The following MYH14 variants were observed in gnomAD, a reference collection of about 807,000 sequenced individuals.
MYH14 encodes the protein myosin heavy chain 14, also known as myosin-14.
In MYH14, 123 loss-of-function variants were observed where a neutral mutation model predicts 255.5. The ratio of observed to expected loss-of-function variants is 0.48; its 90% CI spans 0.42 to 0.56. MYH14 has a LOEUF of 0.56. Among genes scored for constraint, MYH14 ranks in the 20% least tolerant of loss-of-function variants. The pLI is 0.00. For missense variants in MYH14, 2,423 were observed against 2,802.3 expected (o/e 0.86, Z 3.06); for synonymous variants, 1,095 against 1,161.2 (o/e 0.94, Z 1.16).
intron 39 of MYH14, among the ~76,000 whole-genome samples, chr19:50,299,506 G>A (rs1442513452): frequency 2.8e-5 from 4 of 144,726 alleles, no homozygotes; most frequent in African/African-American, 1.0e-4. Flanking sequence ...GGGAGGCAGA[G>A]GTTGCAGTGA....
At chr19:50,277,257 G>T (rs752910246) in intron 29 of MYH14, among the ~76,000 whole-genome samples, 1 of 152,098 alleles carries the variant, frequency 6.6e-6, no homozygotes, top group African/African-American at 2.4e-5. Context: ...ATTCTAAGGC[G>T]GGTGAGTTTT....
rs1182353842 is a variant in MYH14 at position 50,247,033 on chromosome 19, C to G, written c.1240C>G (p.Leu414Val). The stretch of plus-strand genomic sequence containing the variant: ...ACAGAAGCTCTGCCGCCTCTTGGGA[C>G]TGGGGGTGACGGATTTCTCCCGAGC... ...AAQKLCRLLG[L>V]GVTDFSRALL... The change falls in exon 12 of 43, where the codon CTG becomes GTG. Residue 414 changes from leucine to valine, a missense_variant. By Grantham distance (32) the Leu-to-Val change is conservative (BLOSUM62 1). Transcript: ENST00000642316. 6.2e-7 allele frequency: 1 copy of G among 1,612,770 alleles called. No homozygotes were observed. Among genetic ancestry groups the G allele is most frequent in the African/African-American group, 1.3e-5 (1 of 74,886 alleles).
At chr19:50,296,631 G>A (rs1349710607) in intron 39 of MYH14, among the ~76,000 whole-genome samples, 1 of 152,138 alleles carries the variant, frequency 6.6e-6, no homozygotes, top group African/African-American at 2.4e-5. Flanking sequence ...GAAAAGAAGA[G>A]AAATGAAACT....
intron 1 of MYH14, among the ~76,000 whole-genome samples, chr19:50,206,588 A>C (rs1245515422): frequency 6.6e-6 from 1 of 152,100 alleles, no homozygotes; most frequent in Non-Finnish European, 1.5e-5. Context: ...TGAGAGCCTC[A>C]GGGCCAAGAG....
In MYH14 at chr19:50,271,555, C is replaced by T. The variant is rs2035301794; in HGVS notation, c.3171+9C>T. On this transcript the variant is annotated intron_variant, in intron 25 of 42. Coordinates refer to ENST00000642316, the MANE Select transcript of MYH14 (RefSeq NM_001145809.2). ...ATTCCAAGCTGAGCAAGGTTGGGGG[C>T]CTGAGGGCAGCTGGGAAAGTGGGGA... 6.2e-7 allele frequency: 1 copy of T among 1,602,136 alleles called. No individual in the cohort carries two copies. Among genetic ancestry groups the T allele is most frequent in the South Asian group, 1.1e-5 (1 of 88,608 alleles).
chr19:50,206,128 G>A (rs1051073279), intron 1 of MYH14, among the ~76,000 whole-genome samples: 3 of 152,000 alleles, frequency 2.0e-5, no homozygotes, highest in Non-Finnish European at 4.4e-5. Context: ...CATCAGGGCT[G>A]TGATCCATCT....
At chr19:50,258,827 G>A (rs2034705866) in intron 18 of MYH14, 4 of 277,360 alleles carry the variant, frequency 1.4e-5, no homozygotes, top group African/African-American at 2.2e-5. Flanking sequence ...GCCTTTTGGC[G>A]ACTCTCTTGC....
chr19:50,219,562 G>A (rs2032700516), intron 3 of MYH14, among the ~76,000 whole-genome samples: 1 of 152,110 alleles, frequency 6.6e-6, no homozygotes, highest in East Asian at 1.9e-4. Context: ...TTTCCCTTGA[G>A]ACAGTAATTC....
intron 27 of MYH14, among the ~76,000 whole-genome samples, chr19:50,275,255 C>G (rs1232687129): frequency 6.6e-6 from 1 of 152,140 alleles, no homozygotes; most frequent in Admixed American, 6.5e-5. Flanking sequence ...GGTGCTGCCC[C>G]CAGATCCAGC....
Position 50,260,846 on chromosome 19 carries a change from CGT to C in MYH14, c.2424+141_2424+142del, listed in dbSNP as rs574429177. 2.3e-4 allele frequency: 159 copies of C among 696,254 alleles called. 3 individuals carry two copies. Among genetic ancestry groups the C allele is most frequent in the East Asian group, 7.0e-4 (25 of 35,592 alleles). 43.1% of individuals were successfully genotyped at this position (696,254 alleles called of 1,614,324 possible). A position where few individuals can be genotyped will look rare whatever the true frequency, so the allele number is the denominator to read the frequency against. On this transcript the variant is annotated intron_variant, in intron 20 of 42. Transcript: ENST00000642316. The stretch of plus-strand genomic sequence containing the variant: ...AAGTGTGTGTGCATGCACGTGTGTG[CGT>C]GTGTGTGTGCATGCATATGTGTGCA...
chr19:50,255,708 C>T (rs1365989275), intron 17 of MYH14, among the ~76,000 whole-genome samples: 1 of 152,004 alleles, frequency 6.6e-6, no homozygotes, highest in African/African-American at 2.4e-5. Context: ...GGATTTGAAC[C>T]CAGGACATCA....
Position 50,232,063 on chromosome 19 carries a change from A to G in MYH14, c.1107A>G (p.Glu369=). Residue 369 remains glutamate, a synonymous_variant, in exon 10 of 43, where the codon GAA becomes GAG. Coordinates refer to ENST00000642316, the MANE Select transcript of MYH14 (RefSeq NM_001145809.2). Reference sequence around the variant, plus strand: ...GGGTCCTGGGATTCAGCCACGAGGAAATCATCTGTGAGTGAGCCCCGTGGA... The same window carrying G: ...GGGTCCTGGGATTCAGCCACGAGGAGATCATCTGTGAGTGAGCCCCGTGGA... ...SLRVLGFSHE[E]IISMLRMVSA... is the part of the protein sequence containing the mutation. 1.2e-6 allele frequency: 2 copies of G among 1,611,936 alleles called. No homozygotes were observed. The highest frequency in any genetic ancestry group is 2.2e-5 in the South Asian group (2 of 91,086).
rs1199829780 is a variant in MYH14 at position 50,225,572 on chromosome 19, C to T, written c.718-13C>T. 21 of 1,610,702 alleles carry T rather than the reference C, an allele frequency of 1.3e-5. No homozygotes were observed. The highest frequency in any genetic ancestry group is 1.8e-5 in the Non-Finnish European group (21 of 1,178,430). On this transcript the variant is annotated splice_polypyrimidine_tract_variant and intron_variant, in intron 6 of 42. Coordinates refer to ENST00000642316, the MANE Select transcript of MYH14 (RefSeq NM_001145809.2). ...TCTCACTGACCTCATGCATCATCTC[C>T]TGTGCCCGGCAGGGTGAGCTGGAGC...
In MYH14 at chr19:50,276,915, G is replaced by C. The variant is rs2035530933; in HGVS notation, c.3825+14G>C. ...CAGGCCCGGAGGGTGGGTTGGGGCAGGGGGACAGGGCAGGGGGGCCACGGG... is the reference window on the plus strand; with the variant it reads ...CAGGCCCGGAGGGTGGGTTGGGGCACGGGGACAGGGCAGGGGGGCCACGGG... On this transcript the variant is annotated intron_variant, in intron 29 of 42. Transcript: ENST00000642316. The surrounding 1 kb of genome is among the most constrained non-coding windows in gnomAD (Gnocchi z 4.3). 6.9e-6 allele frequency: 11 copies of C among 1,590,798 alleles called. No individual in the cohort carries two copies. Among genetic ancestry groups the C allele is most frequent in the Non-Finnish European group, 9.4e-6 (11 of 1,167,688 alleles).
intron 39 of MYH14, among the ~76,000 whole-genome samples, chr19:50,295,956 C>CA (rs1601051172): frequency 2.6e-5 from 4 of 151,694 alleles, no homozygotes; most frequent in Admixed American, 2.6e-4. Flanking sequence ...ACTAAAAATA[C>CA]AAAAACTAGC....
chr19:50,211,924 G>C lies in MYH14; in HGVS notation c.405+1154G>C, dbSNP rs565222402. ...AATCACCTGAGCCCTGAAGGTGGAG[G>C]CTGCAGTGAGCTGTGATGGCGCTAC... On this transcript the variant is annotated intron_variant, in intron 2 of 42. Transcript: ENST00000642316. Among the ~76,000 whole-genome samples the C allele has an allele frequency of 2.0e-5, 3 of 152,232 alleles. No individual in the cohort carries two copies. In the East Asian group the frequency reaches 5.8e-4, roughly 29 times the overall value.
rs1228313717 is a variant in MYH14 at position 50,260,851 on chromosome 19, GTGTGTGCATGCATA to G, written c.2424+148_2424+161del. ...TGTGTGCATGCACGTGTGTGCGTGT[GTGTGTGCATGCATA>G]TGTGTGCATGCGTGTGTGTGCATGT... On this transcript the variant is annotated intron_variant, in intron 20 of 42. Coordinates refer to ENST00000642316, the MANE Select transcript of MYH14 (RefSeq NM_001145809.2). 100 of 698,014 alleles carry G rather than the reference GTGTGTGCATGCATA, an allele frequency of 1.4e-4. 2 individuals are homozygous for G. The highest frequency in any genetic ancestry group is 7.6e-4 in the African/African-American group (42 of 55,618). 43.2% of individuals were successfully genotyped at this position (698,014 alleles called of 1,614,324 possible). A position where few individuals can be genotyped will look rare whatever the true frequency, so the allele number is the denominator to read the frequency against.
Position 50,278,092 on chromosome 19 carries a change from G to A in MYH14, c.3835G>A (p.Ala1279Thr). Residue 1279 changes from alanine (A) to threonine (T), a missense_variant, in exon 30 of 43, where the codon GCA becomes ACA. Coordinates refer to ENST00000642316, the MANE Select transcript of MYH14 (RefSeq NM_001145809.2). ...QLEQARRGKG[A>T]WEKTRLALEA... ...CTCCTTCCCACACCAGGGCAAAGGT[G>A]CATGGGAGAAGACCCGGCTGGCCCT... 1.3e-6 allele frequency: 2 copies of A among 1,584,214 alleles called. No homozygotes were observed. The highest frequency in any genetic ancestry group is 1.7e-6 in the Non-Finnish European group (2 of 1,159,826).
At chr19:50,212,415 C>T (rs564935020) in intron 2 of MYH14, among the ~76,000 whole-genome samples, 7 of 152,180 alleles carry the variant, frequency 4.6e-5, no homozygotes, top group African/African-American at 9.7e-5. Context: ...ATCGAGCACT[C>T]GTGATGTGCC....
Sources: allele counts gnomAD v4.1 joint callset (sites outside exome capture counted in the v4.1 genomes callset), GRCh38; gene constraint gnomAD v4.1.1; non-coding constraint Gnocchi (gnomAD v3.1); transcripts MANE v1.5; gene names NCBI Gene and HGNC (gene_info 2026-07-23, HGNC 2026-07-21).